DAB1: variants seen among roughly 807,000 people sequenced by gnomAD.
DAB1 encodes the protein disabled homolog 1.
In DAB1, 15 loss-of-function variants were observed where a neutral mutation model predicts 64.6. That is an observed-to-expected ratio of 0.23 (90% confidence interval 0.16 to 0.36). DAB1 has a LOEUF of 0.36. Among genes scored for constraint, DAB1 ranks in the 10% least tolerant of loss-of-function variants. The pLI is 1.00. For synonymous variants in DAB1, 235 were observed against 251.9 expected, an observed-to-expected ratio of 0.93 and a Z score of 0.64; for missense variants, 596 against 706.7, an observed-to-expected ratio of 0.84 and a Z score of 1.78.
In DAB1 at chr1:58,056,300, C is replaced by T. The variant is rs774448978; in HGVS notation, n.387+94211G>A. ...ACATACAGCTTGGGAAGCACATAGG[C>T]ATCGAAGACGCTCGCTTCAGAAATG... On this transcript the variant is annotated intron_variant and non_coding_transcript_variant, in intron 5 of 20. Transcript: ENST00000485760. The T allele has an allele frequency of 5.4e-6, 8 of 1,474,706 alleles. No homozygotes were observed. The African/African-American group carries it at 1.1e-4, about 20-fold the overall frequency. The allele number at this position is 1,474,706 out of a possible 1,614,324, so 91.4% of individuals were successfully genotyped here. A position where few individuals can be genotyped will look rare whatever the true frequency, so the allele number is the denominator to read the frequency against.
intron 4 of DAB1, among the ~76,000 whole-genome samples, chr1:58,332,154 A>AT (rs987618867): frequency 8.6e-5 from 13 of 151,814 alleles, no homozygotes; most frequent in Middle Eastern, 3.4e-3. Flanking sequence ...TAACTCCAGT[A>AT]TTTTTTTTGG....
chr1:58,199,484 G>A (rs1374844883), intron 4 of DAB1, among the ~76,000 whole-genome samples: 2 of 152,044 alleles, frequency 1.3e-5, no homozygotes, highest in East Asian at 1.9e-4. Flanking sequence ...TCTTTTTTTA[G>A]TTCCTTTTTT....
At chr1:57,088,035 A>G (rs927174787) in intron 4 of DAB1, among the ~76,000 whole-genome samples, 5 of 152,188 alleles carry the variant, frequency 3.3e-5, no homozygotes, top group Admixed American at 3.3e-4. Context: ...TTGGCCTAGA[A>G]AGATGTAAAC....
chr1:58,542,580 A>G (rs556450905), intron 1 of DAB1: 1 of 152,296 alleles, frequency 6.6e-6, no homozygotes, highest in Admixed American at 6.5e-5. Flanking sequence ...AAAGACAAAA[A>G]AAAATGGAAA....
chr1:57,394,893 A>G (rs931148461), intron 1 of DAB1, among the ~76,000 whole-genome samples: 2 of 152,226 alleles, frequency 1.3e-5, no homozygotes, highest in East Asian at 3.8e-4. Flanking sequence ...TTTTTAGATT[A>G]TAGATTATCA....
chr1:57,307,624 G>A lies in DAB1; in HGVS notation c.-136-16458C>T, dbSNP rs12562847. 8.3e-3 allele frequency among the ~76,000 whole-genome samples: 1,256 copies of A among 150,654 alleles called. 31 individuals carry two copies. The highest frequency in any genetic ancestry group is 0.082 in the East Asian group (419 of 5,088). On this transcript the variant is annotated intron_variant, in intron 1 of 14. Coordinates refer to ENST00000371236, the MANE Select transcript of DAB1 (RefSeq NM_001365792.1). ...GTCTGTTGAATCTGGACCACACCCCGTTTCCTGTCTGCTGAACCTAGGCCA... is the reference window on the plus strand; with the variant it reads ...GTCTGTTGAATCTGGACCACACCCCATTTCCTGTCTGCTGAACCTAGGCCA...
Position 57,289,256 on chromosome 1 carries a change from T to C in DAB1, c.67+1708A>G, listed in dbSNP as rs566032649. On this transcript the variant is annotated intron_variant, in intron 2 of 14. Coordinates refer to ENST00000371236, the MANE Select transcript of DAB1 (RefSeq NM_001365792.1). ...TGTTAAAATGAAGAATGAAAAAATATGCACTAAGATAACATTTTTAATGCA... is the reference window on the plus strand; with the variant it reads ...TGTTAAAATGAAGAATGAAAAAATACGCACTAAGATAACATTTTTAATGCA... Among the ~76,000 whole-genome samples the C allele has an allele frequency of 1.2e-4, 19 of 152,314 alleles. No individual in the cohort carries two copies. In the East Asian group the frequency reaches 3.3e-3, roughly 26 times the overall value.
At chr1:57,722,915 T>A (rs1570768796) in intron 6 of DAB1, among the ~76,000 whole-genome samples, 1 of 152,194 alleles carries the variant, frequency 6.6e-6, no homozygotes. Context: ...GAAGCACAGT[T>A]AACCCACCAC....
intron 1 of DAB1, among the ~76,000 whole-genome samples, chr1:57,853,912 C>T (rs936379634): frequency 2.3e-4 from 35 of 152,262 alleles, no homozygotes; most frequent in African/African-American, 6.7e-4. Flanking sequence ...CTGAGACCTC[C>T]GCATCTGTTT....
At chr1:58,485,115 G>A (rs1158198302) in intron 3 of DAB1, among the ~76,000 whole-genome samples, 2 of 150,300 alleles carry the variant, frequency 1.3e-5, no homozygotes, top group Non-Finnish European at 3.0e-5. Context: ...ATGGGATTTT[G>A]ATGGTATGGG....
chr1:57,922,185 A>G (rs968756529), intron 5 of DAB1, among the ~76,000 whole-genome samples: 10 of 152,202 alleles, frequency 6.6e-5, no homozygotes, highest in African/African-American at 2.2e-4. Flanking sequence ...ATCATTAGAA[A>G]GCAAACCACA....
At chr1:57,783,106 C>T (rs373913034) in intron 6 of DAB1, among the ~76,000 whole-genome samples, 171 of 99,774 alleles carry the variant, frequency 1.7e-3, no homozygotes, top group Middle Eastern at 7.1e-3. Context: ...TCTCTCTTTT[C>T]TTTTTTTTTT....
intron 6 of DAB1, among the ~76,000 whole-genome samples, chr1:57,695,978 T>C (rs1646840304): frequency 6.6e-6 from 1 of 152,166 alleles, no homozygotes; most frequent in South Asian, 2.1e-4. Context: ...TCCCAAATTA[T>C]TTAACTCTGA....
chr1:57,563,059 A>G (rs933664189), intron 7 of DAB1, among the ~76,000 whole-genome samples: 14 of 152,306 alleles, frequency 9.2e-5, no homozygotes, highest in African/African-American at 3.4e-4. Flanking sequence ...CAGGACTACA[A>G]ATGACCCAGA....
chr1:58,485,228 T>TAAAAAAAAAAAA (rs71043289), intron 3 of DAB1, among the ~76,000 whole-genome samples: 9 of 42,056 alleles, frequency 2.1e-4, no homozygotes, highest in South Asian at 1.3e-3. Flanking sequence ...AGTCTACTAC[T>TAAAAAAAAAAAA]AAAAAAAAAA....
chr1:57,753,980 A>T (rs34790150), intron 6 of DAB1, among the ~76,000 whole-genome samples: 26,723 of 152,126 alleles, frequency 0.18, 3,062 homozygotes, highest in Admixed American at 0.29. Flanking sequence ...TAATCTTTCC[A>T]GTTTAGAAGT....
chr1:57,485,477 G>T (rs1524710), intron 7 of DAB1, among the ~76,000 whole-genome samples: 147,564 of 152,254 alleles, frequency 0.97, 71,661 homozygotes, highest in East Asian at 1. Context: ...TGGCATCAGG[G>T]AATACAGAAT....
intron 2 of DAB1, among the ~76,000 whole-genome samples, chr1:57,153,842 T>C (rs1312506525): frequency 2.0e-5 from 3 of 152,022 alleles, no homozygotes; most frequent in Non-Finnish European, 2.9e-5. Flanking sequence ...GGTTTCACCG[T>C]GTTAGCCAGG....
chr1:57,662,038 A>G (rs1224364614), intron 6 of DAB1, among the ~76,000 whole-genome samples: 1 of 152,174 alleles, frequency 6.6e-6, no homozygotes, highest in African/African-American at 2.4e-5. Context: ...GCCATAGCCC[A>G]GGAACTAAAC....
Sources: gnomAD v4.1 joint callset for allele counts (sites outside exome capture counted in the v4.1 genomes callset) on GRCh38, gnomAD v4.1.1 for gene constraint, MANE v1.5 for transcripts, NCBI Gene and HGNC (gene_info 2026-07-23, HGNC 2026-07-21) for gene names.